Variants in SMARCA2 observed in about 807,000 individuals in gnomAD.
SMARCA2 encodes the protein SWI/SNF-related matrix-associated actin-dependent regulator of chromatin subfamily A member 2.
SMARCA2 carries 61 observed loss-of-function variants against 199.8 expected under a neutral mutation model. That is an observed-to-expected ratio of 0.31 (90% CI 0.25 to 0.38). SMARCA2 has a LOEUF of 0.38. Ranked by LOEUF, SMARCA2 falls within the 10% of genes least tolerant of loss-of-function variation. SMARCA2 has a pLI of 1.00. For synonymous variants in SMARCA2, 935 were observed against 732.0 expected, an observed-to-expected ratio of 1.28 and a Z score of -4.48; for missense variants, 1,344 against 2,012.2, an observed-to-expected ratio of 0.67 and a Z score of 6.35.
chr9:2,107,371 G>A (rs935961082), intron 23 of SMARCA2, among the ~76,000 whole-genome samples: 10 of 152,184 alleles, frequency 6.6e-5, no homozygotes, highest in African/African-American at 1.9e-4. Flanking sequence ...CTGTCCCCCA[G>A]GCTGGAGTGC....
Position 2,115,349 on chromosome 9 carries a change from G to GTAATATGTATGTATGTA in SMARCA2, c.3457-472_3457-471insAATATGTATGTATGTAT, listed in dbSNP as rs1823173243. On this transcript the variant is annotated intron_variant, in intron 24 of 33. Coordinates refer to ENST00000349721, the MANE Select transcript of SMARCA2 (RefSeq NM_003070.5). This position sits in a 1 kb window ranked among gnomAD's most constrained non-coding sequence, Gnocchi z 6.0. ...GCAGTCAGTGTGTGTGTATGTGTGT[G>GTAATATGTATGTATGTA]TGTGGTAAGATGTATGTATGTATAA... Among the ~76,000 whole-genome samples, 1 of 152,178 alleles carries GTAATATGTATGTATGTA rather than the reference G, an allele frequency of 6.6e-6. No homozygotes were observed. The highest frequency in any genetic ancestry group is 1.5e-5 in the Non-Finnish European group (1 of 68,044).
At chr9:2,132,690 G>T (rs966644606) in intron 27 of SMARCA2, among the ~76,000 whole-genome samples, 1 of 152,156 alleles carries the variant, frequency 6.6e-6, no homozygotes, top group African/African-American at 2.4e-5. Flanking sequence ...ACACAAGGGA[G>T]AGCTAAGGCC....
Position 2,130,818 on chromosome 9 carries a change from C to T in SMARCA2, c.3981+6881C>T, listed in dbSNP as rs535201016. On this transcript the variant is annotated intron_variant, in intron 27 of 33. Transcript: ENST00000349721. ...ATATTTGCTTCTTTATATGTAAGAG[C>T]AGGCATTCCATCTACCTAAATTCTG... is the stretch of plus-strand genomic sequence containing the variant. Among the ~76,000 whole-genome samples, 134 of 152,212 alleles carry T rather than the reference C, an allele frequency of 8.8e-4. 2 individuals carry two copies. The highest frequency in any genetic ancestry group is 3.0e-3 in the African/African-American group (125 of 41,504).
chr9:2,180,836 C>T (rs1256390130), intron 29 of SMARCA2, among the ~76,000 whole-genome samples: 1 of 152,152 alleles, frequency 6.6e-6, no homozygotes. Context: ...AATAAACTTA[C>T]CATGAATTTG....
intron 31 of SMARCA2, among the ~76,000 whole-genome samples, chr9:2,183,814 A>G (rs1455699038): frequency 1.3e-5 from 2 of 152,194 alleles, no homozygotes; most frequent in African/African-American, 4.8e-5. Context: ...GAATCAACAA[A>G]GAAGGTTTTG....
At position 2,119,253 on chromosome 9, in the gene SMARCA2, T is replaced by A. The variant is rs1823345662; in HGVS notation, c.3685-205T>A. 6.6e-6 allele frequency among the ~76,000 whole-genome samples: 1 copy of A among 152,194 alleles called. No homozygotes were observed. Among genetic ancestry groups the A allele is most frequent in the Admixed American group, 6.5e-5 (1 of 15,286 alleles). ...TCATATTTCTTATAGTGGACCACAG[T>A]TTCCTCCCTGAACGGATTTTGCTCT... On this transcript the variant is annotated intron_variant, in intron 25 of 33. Transcript: ENST00000349721. This position sits in a 1 kb window ranked among gnomAD's most constrained non-coding sequence, Gnocchi z 4.6.
In SMARCA2 at chr9:2,077,613, C is replaced by CT; in HGVS notation, c.2037-11dup. The CT allele has an allele frequency of 6.2e-7, 1 of 1,611,710 alleles. No homozygotes were observed. Among genetic ancestry groups the CT allele is most frequent in the Non-Finnish European group, 8.5e-7 (1 of 1,178,226 alleles). On this transcript the variant is annotated splice_polypyrimidine_tract_variant and intron_variant, in intron 13 of 33. Coordinates refer to ENST00000349721, the MANE Select transcript of SMARCA2 (RefSeq NM_003070.5). ...GCACATGTCTGTGTGTGATTCTCCA[C>CT]TTTTTCCTTTCCCAGGACAGCTAAG...
At chr9:2,070,728 T>C (rs991627555) in intron 10 of SMARCA2, among the ~76,000 whole-genome samples, 9 of 152,256 alleles carry the variant, frequency 5.9e-5, no homozygotes, top group African/African-American at 2.2e-4. Context: ...TGTGCACATA[T>C]AATCGTATGT....
chr9:2,144,070 T>TG (rs529015165), intron 27 of SMARCA2, among the ~76,000 whole-genome samples: 66 of 149,494 alleles, frequency 4.4e-4, no homozygotes, highest in East Asian at 9.9e-4. Flanking sequence ...AGCCGGGAGA[T>TG]GGGGGGGGAT....
Position 2,077,862 on chromosome 9 carries a change from G to T in SMARCA2, c.2184+86G>T, listed in dbSNP as rs1821395743. 18 of 1,273,838 alleles carry T rather than the reference G, an allele frequency of 1.4e-5. No homozygotes were observed. The East Asian group carries it at 4.3e-4, about 30-fold the overall frequency. 78.9% of individuals were successfully genotyped at this position (1,273,838 alleles called of 1,614,324 possible). A position where few individuals can be genotyped will look rare whatever the true frequency, so the allele number is the denominator to read the frequency against. ...AGTATGTCGTGCACATGTTGACTAAGGGCTTTTGATGATATTTTAGGCCAC... is the reference window on the plus strand; with the variant it reads ...AGTATGTCGTGCACATGTTGACTAATGGCTTTTGATGATATTTTAGGCCAC... On this transcript the variant is annotated intron_variant, in intron 14 of 33. Transcript: ENST00000349721.
At chr9:2,066,927 A>G (rs1406724738) in intron 9 of SMARCA2, among the ~76,000 whole-genome samples, 1 of 152,236 alleles carries the variant, frequency 6.6e-6, no homozygotes, top group Non-Finnish European at 1.5e-5. Context: ...AAAAAGGGAC[A>G]GTTGTGTTTG....
In SMARCA2 at chr9:2,034,207, G is replaced by T. The variant is rs552778316; in HGVS notation, c.355+1126G>T. On this transcript the variant is annotated intron_variant, in intron 3 of 33. Transcript: ENST00000349721. ...TGCAGTGAGCCGAGATCGCACCATTGCTCTCTAGCCTGGCGACAGAGCAAG... is the reference window on the plus strand; with the variant it reads ...TGCAGTGAGCCGAGATCGCACCATTTCTCTCTAGCCTGGCGACAGAGCAAG... Among the ~76,000 whole-genome samples, 61 of 136,146 alleles carry T rather than the reference G, an allele frequency of 4.5e-4. 1 individual carries two copies. Among genetic ancestry groups the T allele is most frequent in the African/African-American group, 1.5e-3 (51 of 35,148 alleles). 89.3% of individuals were successfully genotyped at this position (136,146 alleles called of 152,430 possible).
At chr9:2,051,283 T>G (rs1040575727) in intron 5 of SMARCA2, among the ~76,000 whole-genome samples, 3 of 152,220 alleles carry the variant, frequency 2.0e-5, no homozygotes, top group African/African-American at 7.2e-5. Context: ...CGCTTTGTAC[T>G]TCTTGCCTCC....
chr9:2,085,138 T>TC (rs1488144558), intron 17 of SMARCA2, among the ~76,000 whole-genome samples: 3 of 152,294 alleles, frequency 2.0e-5, no homozygotes, highest in Middle Eastern at 3.4e-3. Flanking sequence ...GGAAATGTGT[T>TC]CCCAGGGGAG....
In SMARCA2 at chr9:2,111,041, G is replaced by GTTTTTT. The variant is rs371262213; in HGVS notation, c.3456+628_3456+629insTTTTTT. 1.7e-3 allele frequency among the ~76,000 whole-genome samples: 252 copies of GTTTTTT among 147,880 alleles called. 2 individuals are homozygous for GTTTTTT. The highest frequency in any genetic ancestry group is 6.0e-3 in the African/African-American group (240 of 40,024). ...TATCCTTTTAAAGCAGTACTTTGAT[G>GTTTTTT]TTTTGTTTTTTTTTTTTTAAATTGA... On this transcript the variant is annotated intron_variant, in intron 24 of 33. Coordinates refer to ENST00000349721, the MANE Select transcript of SMARCA2 (RefSeq NM_003070.5).
At position 2,041,339 on chromosome 9, in the gene SMARCA2, G is replaced by A. The variant is rs933695593; in HGVS notation, c.790+1439G>A. On this transcript the variant is annotated intron_variant, in intron 4 of 33. Transcript: ENST00000349721. ...AAATTTATTTCTTACAGCTCTGAATGCTGGGAATTCCAACCTCAAAACACC... is the reference window on the plus strand; with the variant it reads ...AAATTTATTTCTTACAGCTCTGAATACTGGGAATTCCAACCTCAAAACACC... The A allele has an allele frequency of 7.5e-6, 3 of 398,612 alleles. 1 individual carries two copies. Among genetic ancestry groups the A allele is most frequent in the East Asian group, 7.1e-5 (2 of 28,080 alleles). 24.7% of individuals were successfully genotyped at this position (398,612 alleles called of 1,614,324 possible).
chr9:2,053,559 CTGTG>C (rs760130804), intron 5 of SMARCA2, among the ~76,000 whole-genome samples: 1 of 152,252 alleles, frequency 6.6e-6, no homozygotes, highest in Non-Finnish European at 1.5e-5. Flanking sequence ...AGAGGCGTGT[CTGTG>C]TGTGTAAGAG....
chr9:2,078,910 A>G (rs1314905260), intron 14 of SMARCA2, among the ~76,000 whole-genome samples: 1 of 152,138 alleles, frequency 6.6e-6, no homozygotes, highest in Non-Finnish European at 1.5e-5. Flanking sequence ...GCACCACTGC[A>G]CTCCAGCCTC....
rs1350838402 is a variant in SMARCA2 at position 2,076,343 on chromosome 9, T to G, written c.2036+14T>G. On this transcript the variant is annotated intron_variant, in intron 13 of 33. Transcript: ENST00000349721. ...GCAGATCATTGAGTATGTACTGCAT[T>G]TTTCCCTTGGAAATGCATTGCATGA... 2.7e-6 allele frequency: 4 copies of G among 1,461,722 alleles called. No individual in the cohort carries two copies. The highest frequency in any genetic ancestry group is 3.8e-6 in the Non-Finnish European group (4 of 1,044,864). The allele number at this position is 1,461,722 out of a possible 1,614,324, so 90.5% of individuals were successfully genotyped here.
Sources: allele counts gnomAD v4.1 joint callset (sites outside exome capture counted in the v4.1 genomes callset), GRCh38; gene constraint gnomAD v4.1.1; non-coding constraint Gnocchi (gnomAD v3.1); transcripts MANE v1.5; gene names NCBI Gene and HGNC (gene_info 2026-07-23, HGNC 2026-07-21).